The following ATXN7L1 variants were observed in gnomAD, a reference collection of about 807,000 sequenced individuals.
ATXN7L1 encodes ataxin-7-like protein 1.
ATXN7L1 carries 15 observed loss-of-function variants against 70.8 expected under a neutral mutation model. The observed-to-expected ratio is 0.21, with a 90% CI of 0.14 to 0.33. ATXN7L1 has a LOEUF of 0.33. ATXN7L1 is among the 10% of genes least tolerant of loss of function. ATXN7L1 has a pLI of 1.00. For synonymous variants in ATXN7L1, 440 were observed against 445.1 expected, an observed-to-expected ratio of 0.99 and a Z score of 0.14; for missense variants, 975 against 1,097.1, an observed-to-expected ratio of 0.89 and a Z score of 1.57.
In ATXN7L1 at chr7:105,614,563, G is replaced by A. The variant is rs1206439758; in HGVS notation, c.1771C>T (p.Leu591Phe). 2 of 1,549,540 alleles carry A rather than the reference G, an allele frequency of 1.3e-6. No homozygotes were observed. Among genetic ancestry groups the A allele is most frequent in the Non-Finnish European group, 8.7e-7 (1 of 1,145,410 alleles). ...TTGAAGGTTGAGTCCATGATGCTGA[G>A]GGTTGCGGCCACATGAGGGAAAGCT... is the stretch of plus-strand genomic sequence containing the variant. ...TTAFPHVAAT[L>F]SIMDSTFKAP... The change falls in exon 10 of 12, where the codon CTC becomes TTC. Residue 591 changes from leucine (L) to phenylalanine (F), a missense_variant. This residue lies in a region of ATXN7L1 where 635 missense variants were observed against 699.4 expected (regional missense o/e 0.91). Coordinates refer to ENST00000419735, the MANE Select transcript of ATXN7L1 (RefSeq NM_020725.2). The surrounding 1 kb of genome is among the most constrained non-coding windows in gnomAD (Gnocchi z 4.3).
chr7:105,681,531 T>C (rs921829304), intron 3 of ATXN7L1, among the ~76,000 whole-genome samples: 1 of 152,088 alleles, frequency 6.6e-6, no homozygotes, highest in Non-Finnish European at 1.5e-5. Context: ...CAGCACATGA[T>C]CACACGATCT....
chr7:105,790,523 G>C (rs920412154), intron 2 of ATXN7L1, among the ~76,000 whole-genome samples: 1 of 152,090 alleles, frequency 6.6e-6, no homozygotes, highest in East Asian at 1.9e-4. Context: ...CAAGGCTGCA[G>C]TGAGCCATGA....
intron 3 of ATXN7L1, among the ~76,000 whole-genome samples, chr7:105,750,746 T>C (rs565013065): frequency 2.2e-3 from 335 of 152,244 alleles, no homozygotes; most frequent in African/African-American, 7.8e-3. Context: ...GAGGTTGCAG[T>C]GAGCCAAGAT....
chr7:105,753,459 T>C (rs1799438322), intron 3 of ATXN7L1, among the ~76,000 whole-genome samples: 1 of 152,260 alleles, frequency 6.6e-6, no homozygotes, highest in African/African-American at 2.4e-5. Context: ...AAGGTGAAGA[T>C]TATCTAGTTT....
Position 105,638,345 on chromosome 7 carries a change from G to C in ATXN7L1, c.1202+8C>G. On this transcript the variant is annotated splice_region_variant and intron_variant, in intron 7 of 11. Transcript: ENST00000419735. ...ATTCAGGGCTTCTATCGTCAAGGTG[G>C]TACTTACCTAGGAAGTACAGAGTTG... 3.9e-6 allele frequency: 6 copies of C among 1,548,158 alleles called. No homozygotes were observed. Among genetic ancestry groups the C allele is most frequent in the Non-Finnish European group, 4.4e-6 (5 of 1,144,316 alleles).
chr7:105,720,849 A>G (rs552014148), intron 3 of ATXN7L1, among the ~76,000 whole-genome samples: 6 of 152,168 alleles, frequency 3.9e-5, no homozygotes, highest in Non-Finnish European at 7.4e-5. Context: ...TGTCCAGCAG[A>G]GCTGAGCACA....
intron 3 of ATXN7L1, among the ~76,000 whole-genome samples, chr7:105,728,149 C>T (rs1283801374): frequency 6.6e-6 from 1 of 151,968 alleles, no homozygotes; most frequent in Non-Finnish European, 1.5e-5. Flanking sequence ...TGAATGCAGA[C>T]AGTGGCAAGA....
At chr7:105,643,783 G>A (rs1384429275) in intron 4 of ATXN7L1, among the ~76,000 whole-genome samples, 1 of 152,248 alleles carries the variant, frequency 6.6e-6, no homozygotes, top group Non-Finnish European at 1.5e-5. Context: ...TCTCAAGGCT[G>A]GCAGGTGAAA....
intron 2 of ATXN7L1, among the ~76,000 whole-genome samples, chr7:105,812,918 T>A (rs1258292579): frequency 1.3e-5 from 2 of 152,072 alleles, no homozygotes; most frequent in South Asian, 2.1e-4. Flanking sequence ...GGGAGGAATA[T>A]CTAAGCCTGG....
intron 3 of ATXN7L1, among the ~76,000 whole-genome samples, chr7:105,722,957 T>A (rs1036514421): frequency 2.0e-5 from 3 of 152,116 alleles, no homozygotes; most frequent in Non-Finnish European, 4.4e-5. Context: ...GCACCTATAA[T>A]TCCAGCAACT....
chr7:105,864,386 A>G (rs1817069832), intron 2 of ATXN7L1, among the ~76,000 whole-genome samples: 1 of 141,072 alleles, frequency 7.1e-6, no homozygotes, highest in African/African-American at 2.6e-5. Context: ...TGAGCCCTGG[A>G]GATCGACGCT....
At chr7:105,854,194 C>A (rs1815345180) in intron 2 of ATXN7L1, among the ~76,000 whole-genome samples, 1 of 152,176 alleles carries the variant, frequency 6.6e-6, no homozygotes, top group Non-Finnish European at 1.5e-5. Context: ...CTGGTCCTCT[C>A]ACTGTGCCAA....
chr7:105,729,561 T>C (rs1796296106), intron 3 of ATXN7L1, among the ~76,000 whole-genome samples: 2 of 147,918 alleles, frequency 1.4e-5, no homozygotes, highest in African/African-American at 5.0e-5. Flanking sequence ...TCCCACGTAG[T>C]TAGGATTACA....
rs1793595153 is a variant in ATXN7L1 at position 105,614,660 on chromosome 7, C to T, written c.1674G>A (p.Met558Ile). ...ISSRLTSSYI[M>I]TSAMLSNAAF... ...CTGCGTTTGAGAGCATGGCTGATGT[C>T]ATTATGTAAGAAGAGGTGAGCCTCG... The change falls in exon 10 of 12, where the codon ATG becomes ATA. Residue 558 changes from methionine to isoleucine, a missense_variant. Transcript: ENST00000419735. This position sits in a 1 kb window ranked among gnomAD's most constrained non-coding sequence, Gnocchi z 4.3. 6.4e-7 allele frequency: 1 copy of T among 1,551,630 alleles called. No individual in the cohort carries two copies. Among genetic ancestry groups the T allele is most frequent in the Non-Finnish European group, 8.7e-7 (1 of 1,147,010 alleles).
intron 4 of ATXN7L1, among the ~76,000 whole-genome samples, chr7:105,654,737 C>G (rs989151932): frequency 3.4e-5 from 5 of 147,624 alleles, no homozygotes; most frequent in Non-Finnish European, 7.4e-5. Flanking sequence ...CTCTTCTTTC[C>G]TTCAGGCCAT....
At chr7:105,679,273 T>A in intron 3 of ATXN7L1, 1 of 452,856 alleles carries the variant, frequency 2.2e-6, no homozygotes, top group Non-Finnish European at 2.9e-6. Context: ...CAGATGAACT[T>A]GGGTATTCCT....
intron 2 of ATXN7L1, among the ~76,000 whole-genome samples, chr7:105,812,267 T>C (rs1390275819): frequency 6.6e-6 from 1 of 152,248 alleles, no homozygotes; most frequent in Non-Finnish European, 1.5e-5. Flanking sequence ...GGGACTCTTC[T>C]GGCAGCTACC....
Position 105,605,042 on chromosome 7 carries a change from C to CGTTTT in ATXN7L1, c.*2809_*2810insAAAAC. Reference sequence around the variant, plus strand: ...GAAGGCATACAAGTTATCCAAGTCGCTTTTTTTTTTTTTTTTTTTTTTTTA... The same window carrying CGTTTT: ...GAAGGCATACAAGTTATCCAAGTCGCGTTTTTTTTTTTTTTTTTTTTTTTTTTTTA... On this transcript the variant is annotated 3_prime_UTR_variant, in exon 12 of 12. Transcript: ENST00000419735. 2 of 71,560 alleles carry CGTTTT rather than the reference C, an allele frequency of 2.8e-5. No individual in the cohort carries two copies. Among genetic ancestry groups the CGTTTT allele is most frequent in the South Asian group, 6.7e-4 (1 of 1,498 alleles). 4.4% of individuals were successfully genotyped at this position (71,560 alleles called of 1,614,324 possible).
chr7:105,835,541 C>G (rs1812258003), intron 2 of ATXN7L1, among the ~76,000 whole-genome samples: 1 of 152,084 alleles, frequency 6.6e-6, no homozygotes, highest in Non-Finnish European at 1.5e-5. Flanking sequence ...CACTTGAAAT[C>G]AGCATGTGAG....
Sources: gnomAD v4.1 joint callset for allele counts (sites outside exome capture counted in the v4.1 genomes callset) on GRCh38, gnomAD v4.1.1 for gene constraint, gnomAD v4.1.1 regional missense constraint, Gnocchi (gnomAD v3.1) non-coding constraint, MANE v1.5 for transcripts, NCBI Gene and HGNC (gene_info 2026-07-23, HGNC 2026-07-21) for gene names.